PTK6: variants seen among roughly 807,000 people sequenced by gnomAD.
The protein encoded by PTK6 is protein-tyrosine kinase 6.
In PTK6, 47 loss-of-function variants were observed where a neutral mutation model predicts 47.5. The ratio of observed to expected loss-of-function variants is 0.99; its 90% CI spans 0.78 to 1.26. The LOEUF is 1.26. Ranked by LOEUF, PTK6 falls within the 50% of genes most tolerant of loss-of-function variation. The probability of loss-of-function intolerance (pLI) is 0.00; values close to 1 mark genes in which losing one functional copy is unlikely to be tolerated. For missense variants in PTK6, 618 were observed against 625.3 expected, an observed-to-expected ratio of 0.99 and a Z score of 0.12; for synonymous variants, 287 against 276.5, an observed-to-expected ratio of 1.04 and a Z score of -0.38.
intron 5 of PTK6, among the ~76,000 whole-genome samples, chr20:63,531,904 CG>C (rs1352335042): frequency 3.9e-5 from 6 of 152,222 alleles, no homozygotes; most frequent in Non-Finnish European, 1.5e-5. Context: ...CGGAGCCTTT[CG>C]CTCAGAGCGC....
Position 63,530,698 on chromosome 20 carries a change from C to G in PTK6, c.1014+48G>C, listed in dbSNP as rs781334771. 3 of 1,592,444 alleles carry G rather than the reference C, an allele frequency of 1.9e-6. No homozygotes were observed. In the South Asian group the frequency reaches 3.3e-5, roughly 18 times the overall value. On this transcript the variant is annotated intron_variant, in intron 6 of 7. Transcript: ENST00000542869. This position sits in a 1 kb window ranked among gnomAD's most constrained non-coding sequence, Gnocchi z 4.1. The stretch of plus-strand genomic sequence containing the variant: ...CACACACAGGAAGCCCCCAGCCCTC[C>G]GGCCACGCCCCGGCCACGACCCCAG...
chr20:63,532,294 CTT>C (rs71911833), intron 5 of PTK6, among the ~76,000 whole-genome samples: 15,115 of 144,814 alleles, frequency 0.1, 2,370 homozygotes, highest in African/African-American at 0.36. Context: ...TGTGATGTGT[CTT>C]GTGTGTGTGT....
rs575378519 is a variant in PTK6, at chr20:63,529,944, G to A, written c.1168+134C>T. On this transcript the variant is annotated intron_variant, in intron 7 of 7. Coordinates refer to ENST00000542869, the MANE Select transcript of PTK6 (RefSeq NM_005975.4). The surrounding 1 kb of genome is among the most constrained non-coding windows in gnomAD (Gnocchi z 5.6). ...CCTGGGTGCTCAGAGAATGGTGCAG[G>A]TGTGGAGTTCAGGCGATGGCCCGCG... The A allele has an allele frequency of 8.7e-5, 105 of 1,207,462 alleles. 1 individual carries two copies. Among genetic ancestry groups the A allele is most frequent in the Non-Finnish European group, 1.2e-4 (101 of 873,478 alleles). 74.8% of individuals were successfully genotyped at this position (1,207,462 alleles called of 1,614,324 possible). A position where few individuals can be genotyped will look rare whatever the true frequency, so the allele number is the denominator to read the frequency against.
Position 63,537,319 on chromosome 20 carries a change from G to A in PTK6, c.-5C>T. 6.2e-7 allele frequency: 1 copy of A among 1,604,154 alleles called. No individual in the cohort carries two copies. The highest frequency in any genetic ancestry group is 8.5e-7 in the Non-Finnish European group (1 of 1,176,100). On this transcript the variant is annotated 5_prime_UTR_variant, in exon 1 of 8. Transcript: ENST00000542869. ...AGCCTGGTCCCGGGACACCATGGCGGGCGGGCGCAGCGGCAGGACCAGGCT... is the reference window on the plus strand; with the variant it reads ...AGCCTGGTCCCGGGACACCATGGCGAGCGGGCGCAGCGGCAGGACCAGGCT...
rs749593327 is a variant in PTK6, at chr20:63,537,111, G to A, written c.204C>T (p.Ala68=). ...AQGYVPHNYL[A]ERETVESEPW... ...GTTCCGACTCCACCGTCTCCCTCTC[G>A]GCCAGGTAGTTGTGGGGCACATAGC... The change falls in exon 1 of 8, where the codon GCC becomes GCT. Residue 68 remains alanine (A), a synonymous_variant. Transcript: ENST00000542869. The A allele has an allele frequency of 1.6e-5, 26 of 1,610,382 alleles. No individual in the cohort carries two copies. The highest frequency in any genetic ancestry group is 8.4e-5 in the Admixed American group (5 of 59,858).
At chr20:63,536,729 C>G (rs932700716) in intron 1 of PTK6, among the ~76,000 whole-genome samples, 1 of 152,230 alleles carries the variant, frequency 6.6e-6, no homozygotes, top group Non-Finnish European at 1.5e-5. Context: ...CTCCGACAGA[C>G]CTTGTCACTG....
rs310640 is a variant in PTK6, at chr20:63,534,960, C to T, written c.330G>A (p.Pro110=). 0.037 allele frequency: 59,980 copies of T among 1,604,952 alleles called. 4,667 individuals carry two copies. The highest frequency in any genetic ancestry group is 0.33 in the African/African-American group (24,821 of 74,854). The change falls in exon 2 of 8, where the codon CCG becomes CCA. Residue 110 remains proline (P), a synonymous_variant. Transcript: ENST00000542869. ...GAFLIRVSEK[P]SADYVLSVRD... The stretch of plus-strand genomic sequence containing the variant: ...CACCCGACAGGACGTAGTCGGCACT[C>T]GGCTTCTCGCTGACCCTGATCAGGA...
At chr20:63,531,276 C>T (rs898366119) in intron 5 of PTK6, among the ~76,000 whole-genome samples, 3 of 151,366 alleles carry the variant, frequency 2.0e-5, no homozygotes, top group African/African-American at 7.3e-5. Flanking sequence ...AAAAAATTAG[C>T]CGGGCGTGGT....
At chr20:63,536,753 A>G (rs2082672005) in intron 1 of PTK6, among the ~76,000 whole-genome samples, 2 of 152,206 alleles carry the variant, frequency 1.3e-5, no homozygotes, top group African/African-American at 4.8e-5. Context: ...ACCGGGCCCC[A>G]GAAGTCCACC....
rs2082643731 is a variant in PTK6, at chr20:63,533,838, C to G, written c.517-134G>C. 4 of 1,295,538 alleles carry G rather than the reference C, an allele frequency of 3.1e-6. No homozygotes were observed. In the Admixed American group the frequency reaches 1.0e-4, roughly 34 times the overall value. The allele number at this position is 1,295,538 out of a possible 1,614,324, so 80.3% of individuals were successfully genotyped here. ...GCCTGGGTTGGGGGTTTCTGAGTGT[C>G]TGACACAAGGGTGGACTCTCCTGGG... On this transcript the variant is annotated intron_variant, in intron 3 of 7. Coordinates refer to ENST00000542869, the MANE Select transcript of PTK6 (RefSeq NM_005975.4). This position sits in a 1 kb window ranked among gnomAD's most constrained non-coding sequence, Gnocchi z 4.0.
Position 63,534,258 on chromosome 20 carries a change from A to C in PTK6, c.410T>G (p.Leu137Arg). 1 of 1,608,622 alleles carries C rather than the reference A, an allele frequency of 6.2e-7. No homozygotes were observed. The highest frequency in any genetic ancestry group is 1.1e-5 in the South Asian group (1 of 90,110). ...GAAGGACACCGCCTCGTTCAGGTGC[A>C]GCCGGCCCCCGGCACGCCGCCAGAT... ...YKIWRRAGGR[L>R]HLNEAVSFLS... is the part of the protein sequence containing the mutation. The change falls in exon 3 of 8, where the codon CTG (leucine) becomes CGG (arginine). Residue 137 changes from leucine (L) to arginine (R), a missense_variant. Physicochemically the swap from Leu to Arg is moderately radical, Grantham distance 102. Coordinates refer to ENST00000542869, the MANE Select transcript of PTK6 (RefSeq NM_005975.4).
At chr20:63,535,221 G>A (rs1038798226) in intron 1 of PTK6, among the ~76,000 whole-genome samples, 162 bp from the exon 2 acceptor site, 3 of 152,166 alleles carry the variant, frequency 2.0e-5, no homozygotes, top group East Asian at 1.9e-4. Context: ...TGACCCAGAC[G>A]CCCTGAATGT....
intron 2 of PTK6, 99 bp downstream of exon 2, chr20:63,534,839 C>T: frequency 6.9e-7 from 1 of 1,439,800 alleles, no homozygotes; most frequent in Middle Eastern, 2.1e-4. Context: ...CCCATGTCCC[C>T]CGTCTCAGCC....
At chr20:63,531,369 C>G (rs568079161) in intron 5 of PTK6, among the ~76,000 whole-genome samples, 57 of 139,702 alleles carry the variant, frequency 4.1e-4, no homozygotes, top group African/African-American at 1.5e-3. Context: ...TGCAGTGAGC[C>G]GAGATCACGC....
intron 1 of PTK6, among the ~76,000 whole-genome samples, chr20:63,536,438 C>T (rs1264378015): frequency 6.7e-6 from 1 of 150,354 alleles, no homozygotes; most frequent in Non-Finnish European, 1.5e-5. Context: ...CGGGAGCTAA[C>T]CCTACACAGC....
intron 2 of PTK6, 91 bp from the exon 3 acceptor site, chr20:63,534,406 TG>T: frequency 6.9e-7 from 1 of 1,441,560 alleles, no homozygotes; most frequent in East Asian, 2.5e-5. Context: ...GCAGAGTTTC[TG>T]GGTCCCCACA....
In PTK6 at chr20:63,533,070, CT is replaced by C. The variant is rs918158489; in HGVS notation, c.671-384del. Among the ~76,000 whole-genome samples the C allele has an allele frequency of 5.0e-4, 72 of 144,202 alleles. No individual in the cohort carries two copies. Among genetic ancestry groups the C allele is most frequent in the Middle Eastern group, 3.5e-3 (1 of 286 alleles). 94.6% of individuals were successfully genotyped at this position (144,202 alleles called of 152,430 possible). A position where few individuals can be genotyped will look rare whatever the true frequency, so the allele number is the denominator to read the frequency against. On this transcript the variant is annotated intron_variant, in intron 4 of 7. Transcript: ENST00000542869. This position sits in a 1 kb window ranked among gnomAD's most constrained non-coding sequence, Gnocchi z 4.0. The stretch of plus-strand genomic sequence containing the variant: ...GATTTTAAATTTTCTTTCTTTCTTT[CT>C]TTTTTTTTTTTCCCAAGACGGGGTC...
intron 5 of PTK6, 139 bp downstream of exon 5, chr20:63,532,385 CTG>C (rs1250789629): frequency 3.3e-5 from 35 of 1,073,756 alleles, no homozygotes; most frequent in South Asian, 1.6e-4. Flanking sequence ...GTGTCTGTGT[CTG>C]TGTCTGTGTG....
At chr20:63,531,934 A>T (rs954924148) in intron 5 of PTK6, among the ~76,000 whole-genome samples, 1 of 152,252 alleles carries the variant, frequency 6.6e-6, no homozygotes, top group African/African-American at 2.4e-5. Flanking sequence ...GTGGTGCCTC[A>T]GTGTAGCTCT....
Sources: allele counts gnomAD v4.1 joint callset (sites outside exome capture counted in the v4.1 genomes callset), GRCh38; gene constraint gnomAD v4.1.1; non-coding constraint Gnocchi (gnomAD v3.1); transcripts MANE v1.5; gene names NCBI Gene and HGNC (gene_info 2026-07-23, HGNC 2026-07-21).